The following VCL variants were observed in gnomAD, a reference collection of about 807,000 sequenced individuals.
VCL encodes epididymis luminal protein 114.
Under a neutral mutation model 125.7 loss-of-function variants are expected in VCL, and 47 were observed. The ratio of observed to expected loss-of-function variants is 0.37; its 90% CI spans 0.30 to 0.48. The LOEUF is 0.48. Ranked by LOEUF, VCL falls within the 20% of genes least tolerant of loss-of-function variation. The pLI is 0.99. For missense variants in VCL, 1,069 were observed against 1,455.5 expected, an observed-to-expected ratio of 0.73 and a Z score of 4.32; for synonymous variants, 458 against 514.6, an observed-to-expected ratio of 0.89 and a Z score of 1.49.
At chr10:74,005,487 C>A (rs1041265550) in intron 1 of VCL, among the ~76,000 whole-genome samples, 1 of 152,124 alleles carries the variant, frequency 6.6e-6, no homozygotes, top group Non-Finnish European at 1.5e-5. Flanking sequence ...AACTCCTGAC[C>A]TCATGTGATC....
chr10:74,009,111 C>A (rs985404421), intron 1 of VCL, among the ~76,000 whole-genome samples: 1 of 150,446 alleles, frequency 6.6e-6, no homozygotes, highest in Admixed American at 6.7e-5. Flanking sequence ...TCTTTCTTTT[C>A]CCTGTACCTT....
chr10:74,008,157 T>A (rs1840354473), intron 1 of VCL, among the ~76,000 whole-genome samples: 1 of 152,226 alleles, frequency 6.6e-6, no homozygotes. Flanking sequence ...ATTTATAACA[T>A]ATAATATTAG....
intron 1 of VCL, among the ~76,000 whole-genome samples, chr10:74,012,508 A>C (rs1840454077): frequency 6.6e-6 from 1 of 152,234 alleles, no homozygotes; most frequent in Non-Finnish European, 1.5e-5. Context: ...AATTTATATT[A>C]TTCTTCTTAA....
chr10:74,039,195 G>A (rs1055397271), intron 1 of VCL, among the ~76,000 whole-genome samples: 3 of 152,138 alleles, frequency 2.0e-5, no homozygotes, highest in Middle Eastern at 3.4e-3. Context: ...TTATAGGCAT[G>A]AGCCACCACG....
rs78612129 is a variant in VCL, at chr10:74,008,154, A to G, written c.168+9779A>G. On this transcript the variant is annotated intron_variant, in intron 1 of 21. Transcript: ENST00000211998. Reference sequence around the variant, plus strand: ...TGCATAGCATTTATTTTTATTTATAACATATAATATTAGGAATTATCGTAC... The same window carrying G: ...TGCATAGCATTTATTTTTATTTATAGCATATAATATTAGGAATTATCGTAC... 4.4e-3 allele frequency among the ~76,000 whole-genome samples: 669 copies of G among 152,296 alleles called. 15 individuals are homozygous for G. The East Asian group carries it at 0.058, about 13-fold the overall frequency.
At chr10:74,072,007 G>A (rs1430099965) in intron 4 of VCL, among the ~76,000 whole-genome samples, 2 of 152,172 alleles carry the variant, frequency 1.3e-5, no homozygotes, top group Non-Finnish European at 1.5e-5. Context: ...TGAAGCAGGA[G>A]CAGCCCCACC....
intron 2 of VCL, among the ~76,000 whole-genome samples, chr10:74,048,141 G>A (rs898109229): frequency 1.3e-5 from 2 of 152,184 alleles, no homozygotes; most frequent in Non-Finnish European, 2.9e-5. Context: ...TTGTTAAAAT[G>A]TTGGTTAGAC....
chr10:74,114,066 A>C, intron 19 of VCL, 118 bp from the exon 20 acceptor site: 1 of 1,192,480 alleles, frequency 8.4e-7, no homozygotes, highest in Non-Finnish European at 1.2e-6. Flanking sequence ...TCCTCTTCTC[A>C]CCCTTCCGGA....
intron 2 of VCL, among the ~76,000 whole-genome samples, chr10:74,061,907 C>CTTTTTT (rs11439344): frequency 7.7e-6 from 1 of 129,376 alleles, no homozygotes; most frequent in Non-Finnish European, 1.6e-5. Context: ...AACCAATCTA[C>CTTTTTT]TTTTTTTTTT....
In VCL at chr10:74,037,202, C is replaced by T. The variant is rs559006360; in HGVS notation, c.169-5881C>T. Among the ~76,000 whole-genome samples, 4 of 152,328 alleles carry T rather than the reference C, an allele frequency of 2.6e-5. No individual in the cohort carries two copies. The East Asian group carries it at 7.7e-4, about 29-fold the overall frequency. On this transcript the variant is annotated intron_variant, in intron 1 of 21. Transcript: ENST00000211998. ...ACCCACTTACGCCTGGGATTACAGGCGTAAGCCACCACGGCTGACTGTTCT... is the reference window on the plus strand; with the variant it reads ...ACCCACTTACGCCTGGGATTACAGGTGTAAGCCACCACGGCTGACTGTTCT...
chr10:74,029,120 T>G (rs1188674790), intron 1 of VCL, among the ~76,000 whole-genome samples: 1 of 148,512 alleles, frequency 6.7e-6, no homozygotes, highest in Non-Finnish European at 1.5e-5. Flanking sequence ...CAGAAGAATT[T>G]TTTTTTTTTT....
Position 74,097,195 on chromosome 10 carries a change from GT to G in VCL, c.1744-4del, listed in dbSNP as rs1187225391. ...CTGGACATTTTCATATGTAAACAAT[GT>G]TTTTAAGGATCTAAAAGCTCGGATG... On this transcript the variant is annotated splice_polypyrimidine_tract_variant and splice_region_variant and intron_variant, in intron 12 of 21. Coordinates refer to ENST00000211998, the MANE Select transcript of VCL (RefSeq NM_014000.3). This position sits in a 1 kb window ranked among gnomAD's most constrained non-coding sequence, Gnocchi z 4.1. 12 of 1,613,284 alleles carry G rather than the reference GT, an allele frequency of 7.4e-6. No homozygotes were observed. The highest frequency in any genetic ancestry group is 1.0e-5 in the Non-Finnish European group (12 of 1,179,592).
At chr10:74,079,784 C>CATTTACTTTTAAACT (rs1224034242) in intron 6 of VCL, among the ~76,000 whole-genome samples, 1 of 151,950 alleles carries the variant, frequency 6.6e-6, no homozygotes, top group African/African-American at 2.4e-5. Context: ...TACTTATAAC[C>CATTTACTTTTAAACT]TACTGTTTTC....
At chr10:74,092,798 G>A (rs1463423195) in intron 10 of VCL, among the ~76,000 whole-genome samples, 1 of 152,054 alleles carries the variant, frequency 6.6e-6, no homozygotes, top group Non-Finnish European at 1.5e-5. Context: ...TACTTAATTG[G>A]AATCGCTTTT....
intron 2 of VCL, among the ~76,000 whole-genome samples, chr10:74,054,956 T>C (rs547896939): frequency 2.0e-5 from 3 of 151,452 alleles, no homozygotes; most frequent in South Asian, 4.2e-4. Flanking sequence ...AACAACAAAA[T>C]AATAATAGTG....
intron 16 of VCL, among the ~76,000 whole-genome samples, chr10:74,106,906 T>G (rs148252722): frequency 7.9e-5 from 12 of 152,326 alleles, no homozygotes; most frequent in African/African-American, 2.6e-4. Flanking sequence ...GCTTATCTCT[T>G]GACTGCCTCA....
intron 1 of VCL, among the ~76,000 whole-genome samples, chr10:74,005,849 T>A (rs1840315727): frequency 6.6e-6 from 1 of 152,098 alleles, no homozygotes; most frequent in African/African-American, 2.4e-5. Flanking sequence ...TTTTTTAATT[T>A]TTATTTTTAT....
intron 1 of VCL, among the ~76,000 whole-genome samples, chr10:74,021,676 C>T (rs767893591): frequency 4.4e-4 from 67 of 152,186 alleles, no homozygotes; most frequent in Non-Finnish European, 6.9e-4. Flanking sequence ...TGTTCTAAAG[C>T]TTCTGTAAAA....
chr10:74,020,880 AGTAGGGT>A (rs1840651362), intron 1 of VCL, among the ~76,000 whole-genome samples: 1 of 150,866 alleles, frequency 6.6e-6, no homozygotes, highest in Non-Finnish European at 1.5e-5. Flanking sequence ...GAGATAAAAC[AGTAGGGT>A]AATCTGTTTA....
Sources: allele counts gnomAD v4.1 joint callset (sites outside exome capture counted in the v4.1 genomes callset), GRCh38; gene constraint gnomAD v4.1.1; non-coding constraint Gnocchi (gnomAD v3.1); transcripts MANE v1.5; gene names NCBI Gene and HGNC (gene_info 2026-07-23, HGNC 2026-07-21).